The following RBFOX1 variants were observed in gnomAD, a reference collection of about 807,000 sequenced individuals.
The protein encoded by RBFOX1 is RNA binding protein fox-1 homolog 1.
In RBFOX1, 8 loss-of-function variants were observed where a neutral mutation model predicts 57.7. The observed-to-expected ratio is 0.14, with a 90% CI of 0.08 to 0.25. The LOEUF (loss-of-function observed/expected upper bound fraction) is 0.25. Ranked by LOEUF, RBFOX1 falls within the 10% of genes least tolerant of loss-of-function variation. The pLI is 1.00. For missense variants in RBFOX1, 611 were observed against 548.5 expected, an observed-to-expected ratio of 1.11 and a Z score of -1.14; for synonymous variants, 326 against 222.4, an observed-to-expected ratio of 1.47 and a Z score of -4.15.
intron 3 of RBFOX1, among the ~76,000 whole-genome samples, chr16:5,809,577 C>G (rs550927628): frequency 6.6e-6 from 1 of 152,198 alleles, no homozygotes; most frequent in African/African-American, 2.4e-5. Flanking sequence ...TGAAAAAATG[C>G]TCACCATCAC....
chr16:7,402,183 A>G (rs1328389916), intron 4 of RBFOX1, among the ~76,000 whole-genome samples: 1 of 152,120 alleles, frequency 6.6e-6, no homozygotes, highest in South Asian at 2.1e-4. Flanking sequence ...GTGATGAGCA[A>G]CTCTTTGAAA....
At chr16:6,542,798 A>G (rs1004457905) in intron 2 of RBFOX1, among the ~76,000 whole-genome samples, 1 of 151,920 alleles carries the variant, frequency 6.6e-6, no homozygotes, top group African/African-American at 2.4e-5. Flanking sequence ...GGCCGGGACC[A>G]CAGTCTTAAG....
intron 4 of RBFOX1, among the ~76,000 whole-genome samples, chr16:7,127,393 T>G (rs763705303): frequency 1.3e-5 from 2 of 152,210 alleles, no homozygotes; most frequent in Admixed American, 6.5e-5. Context: ...TGATACTTAT[T>G]ATCACCCTAT....
rs2063943900 is a variant in RBFOX1 at position 7,647,330 on chromosome 16, C to T, written c.758-6485C>T. The stretch of plus-strand genomic sequence containing the variant: ...TCATTTTTAGCTTATGAGCTGAATC[C>T]AATTTGTGTTGTAGTGATACCAGAT... On this transcript the variant is annotated intron_variant, in intron 11 of 15. Transcript: ENST00000550418. 2.6e-5 allele frequency among the ~76,000 whole-genome samples: 4 copies of T among 152,152 alleles called. No homozygotes were observed. In the South Asian group the frequency reaches 8.3e-4, roughly 32 times the overall value.
chr16:6,636,380 C>G (rs1007290303), intron 2 of RBFOX1, among the ~76,000 whole-genome samples: 4 of 152,016 alleles, frequency 2.6e-5, no homozygotes, highest in African/African-American at 9.7e-5. Context: ...TGGTGTTAGC[C>G]AGGATGGTCT....
intron 4 of RBFOX1, among the ~76,000 whole-genome samples, chr16:7,347,242 C>T (rs760532527): frequency 2.0e-5 from 3 of 152,046 alleles, no homozygotes; most frequent in African/African-American, 7.3e-5. Context: ...AAAGACATAC[C>T]GGAGACTGGG....
chr16:6,846,637 A>G (rs1299424467), intron 3 of RBFOX1, among the ~76,000 whole-genome samples: 1 of 152,188 alleles, frequency 6.6e-6, no homozygotes, highest in East Asian at 1.9e-4. Context: ...GTATTGGGAA[A>G]ACAGTTGAGC....
intron 4 of RBFOX1, among the ~76,000 whole-genome samples, chr16:7,234,127 G>A (rs1311424761): frequency 3.3e-5 from 5 of 152,134 alleles, no homozygotes; most frequent in Non-Finnish European, 7.3e-5. Context: ...ATTCACAAAG[G>A]CCTGTTTTGC....
chr16:6,395,110 T>A (rs567833351), intron 2 of RBFOX1, among the ~76,000 whole-genome samples: 7 of 152,336 alleles, frequency 4.6e-5, no homozygotes, highest in Non-Finnish European at 8.8e-5. Flanking sequence ...CATGTCACTG[T>A]CACCGAAGGG....
chr16:7,111,170 G>T (rs1039005652), intron 4 of RBFOX1, among the ~76,000 whole-genome samples: 10 of 152,190 alleles, frequency 6.6e-5, no homozygotes, highest in Non-Finnish European at 1.5e-4. Flanking sequence ...GAAGCAAAAA[G>T]AATATTCTGC....
At chr16:7,376,468 C>A (rs545163418) in intron 4 of RBFOX1, among the ~76,000 whole-genome samples, 6 of 152,314 alleles carry the variant, frequency 3.9e-5, no homozygotes, top group African/African-American at 1.2e-4. Flanking sequence ...TGAGGTCAAA[C>A]ATGCTGGGAG....
chr16:5,859,272 G>A (rs1400711918), intron 3 of RBFOX1, among the ~76,000 whole-genome samples: 1 of 152,154 alleles, frequency 6.6e-6, no homozygotes, highest in East Asian at 1.9e-4. Flanking sequence ...GTTGAATGTG[G>A]TAGGGCTCAT....
At chr16:7,567,968 G>GA (rs1483465215) in intron 5 of RBFOX1, among the ~76,000 whole-genome samples, 1 of 151,022 alleles carries the variant, frequency 6.6e-6, no homozygotes, top group Non-Finnish European at 1.5e-5. Flanking sequence ...TATTGCCCAA[G>GA]AAAAAACATT....
rs975554399 is a variant in RBFOX1 at position 6,340,691 on chromosome 16, T to C, written c.-64+23634T>C. Among the ~76,000 whole-genome samples the C allele has an allele frequency of 2.0e-5, 3 of 152,204 alleles. No individual in the cohort carries two copies. In the East Asian group the frequency reaches 5.8e-4, roughly 29 times the overall value. On this transcript the variant is annotated intron_variant, in intron 2 of 15. Transcript: ENST00000550418. ...TATTGGTGGATCTTGGCTTCTTTAC[T>C]GCAACCTGTTTTATGAGCAAGGTCT...
intron 1 of RBFOX1, among the ~76,000 whole-genome samples, chr16:6,247,212 A>T (rs2097574203): frequency 6.6e-6 from 1 of 152,168 alleles, no homozygotes; most frequent in Non-Finnish European, 1.5e-5. Context: ...AACGTCAGAG[A>T]CTCACTTTCT....
chr16:6,406,001 C>T (rs563167647), intron 2 of RBFOX1, among the ~76,000 whole-genome samples: 34 of 152,262 alleles, frequency 2.2e-4, no homozygotes, highest in African/African-American at 7.5e-4. Flanking sequence ...AAGGTGAGAA[C>T]GCAGAGGAAT....
At chr16:5,881,080 A>T (rs2057749588) in intron 4 of RBFOX1, among the ~76,000 whole-genome samples, 1 of 152,200 alleles carries the variant, frequency 6.6e-6, no homozygotes, top group Non-Finnish European at 1.5e-5. Flanking sequence ...GATTTGTTAG[A>T]GGCTAGTGAA....
In RBFOX1 at chr16:7,712,820, A is replaced by G. The variant is rs991782801; in HGVS notation, c.*2075A>G. On this transcript the variant is annotated 3_prime_UTR_variant, in exon 16 of 16. Coordinates refer to ENST00000550418, the MANE Select transcript of RBFOX1 (RefSeq NM_018723.4). ...GGCTATGGAGAATAAATTTCTCCCA[A>G]TTGCCGCCTCAGATTTCAAAATCCA... is the stretch of plus-strand genomic sequence containing the variant. 1 of 152,320 alleles carries G rather than the reference A, an allele frequency of 6.6e-6. No individual in the cohort carries two copies. The highest frequency in any genetic ancestry group is 2.1e-4 in the South Asian group (1 of 4,826). The allele number at this position is 152,320 out of a possible 1,614,324, so 9.4% of individuals were successfully genotyped here.
chr16:6,504,218 C>T (rs1432497771), intron 2 of RBFOX1, among the ~76,000 whole-genome samples: 7 of 152,164 alleles, frequency 4.6e-5, no homozygotes, highest in Non-Finnish European at 8.8e-5. Context: ...AGAGCTAGCA[C>T]CAACGGTGTT....
Sources: allele counts gnomAD v4.1 joint callset (sites outside exome capture counted in the v4.1 genomes callset), GRCh38; gene constraint gnomAD v4.1.1; transcripts MANE v1.5; gene names NCBI Gene and HGNC (gene_info 2026-07-23, HGNC 2026-07-21).